RABGAP1L: variants seen among roughly 807,000 people sequenced by gnomAD.
RABGAP1L encodes RAB GTPase activating protein 1 like.
Under a neutral mutation model 137.7 loss-of-function variants are expected in RABGAP1L, and 63 were observed. The observed-to-expected ratio is 0.46, with a 90% confidence interval of 0.37 to 0.56. The LOEUF (loss-of-function observed/expected upper bound fraction) is 0.56, where lower values mean the gene tolerates loss of function less well. RABGAP1L is among the 20% of genes least tolerant of loss of function. The pLI is 0.00. For synonymous variants in RABGAP1L, 431 were observed against 433.7 expected (o/e 0.99, Z 0.08); for missense variants, 1,095 against 1,244.0 (o/e 0.88, Z 1.80).
In RABGAP1L at chr1:174,272,316, C is replaced by G; in HGVS notation, c.987-98C>G. 3 of 1,261,774 alleles carry G rather than the reference C, an allele frequency of 2.4e-6. No homozygotes were observed. The South Asian group carries it at 4.8e-5, about 20-fold the overall frequency. The allele number at this position is 1,261,774 out of a possible 1,614,324, so 78.2% of individuals were successfully genotyped here. The stretch of plus-strand genomic sequence containing the variant: ...AAAACTAAAGCTTATAAATACAGAG[C>G]TCAGATTGTATAGTTATTGTAAAAA... On this transcript the variant is annotated intron_variant, in intron 7 of 25. Transcript: ENST00000681986.
intron 13 of RABGAP1L, chr1:174,449,012 T>A: frequency 6.2e-7 from 1 of 1,613,746 alleles, no homozygotes; most frequent in Non-Finnish European, 8.5e-7. Flanking sequence ...TCTGTCCTTC[T>A]TAACAACCTG....
intron 13 of RABGAP1L, among the ~76,000 whole-genome samples, chr1:174,542,464 T>A (rs956346471): frequency 1.3e-5 from 2 of 152,216 alleles, no homozygotes; most frequent in African/African-American, 4.8e-5. Flanking sequence ...TTTTATTGCA[T>A]CTATTTGATT....
At chr1:174,534,775 C>CAAAAAAAAAAAAAAAAAAAAAAAAAAA (rs71117567) in intron 13 of RABGAP1L, among the ~76,000 whole-genome samples, 13 of 71,624 alleles carry the variant, frequency 1.8e-4, no homozygotes, top group African/African-American at 2.2e-4. Context: ...ACTCTGTCTC[C>CAAAAAAAAAAAAAAAAAAAAAAAAAAA]AAAAAAAAAA....
chr1:174,269,087 C>G (rs913803945), intron 7 of RABGAP1L, among the ~76,000 whole-genome samples: 3 of 152,050 alleles, frequency 2.0e-5, no homozygotes, highest in Non-Finnish European at 4.4e-5. Flanking sequence ...GGACTACATG[C>G]GCCCGCCACC....
intron 13 of RABGAP1L, among the ~76,000 whole-genome samples, chr1:174,608,065 C>T (rs548096638): frequency 6.6e-6 from 1 of 152,134 alleles, no homozygotes; most frequent in Non-Finnish European, 1.5e-5. Context: ...ATTTTATAAA[C>T]TCTCTTCCTA....
At chr1:174,227,367 A>ATT (rs761462482) in intron 3 of RABGAP1L, among the ~76,000 whole-genome samples, 1 of 142,770 alleles carries the variant, frequency 7.0e-6, no homozygotes, top group African/African-American at 2.6e-5. Flanking sequence ...TGCCCAGCTA[A>ATT]TTTTTTTTTT....
intron 13 of RABGAP1L, among the ~76,000 whole-genome samples, chr1:174,400,821 C>T (rs1648488424): frequency 6.6e-6 from 1 of 151,936 alleles, no homozygotes; most frequent in Non-Finnish European, 1.5e-5. Context: ...ATTGGCCTGC[C>T]ATGGTAGGAT....
chr1:174,679,350 A>T lies in RABGAP1L; in HGVS notation c.1825-4172A>T, dbSNP rs1049143620. ...ACTGTCTCTCAATTGCAATAGACGC[A>T]TGAAAGGCATTTTATAAATTCAGTA... On this transcript the variant is annotated intron_variant, in intron 14 of 25. Transcript: ENST00000681986. Among the ~76,000 whole-genome samples, 7 of 152,200 alleles carry T rather than the reference A, an allele frequency of 4.6e-5. No individual in the cohort carries two copies. The East Asian group carries it at 1.3e-3, about 29-fold the overall frequency.
At position 174,711,539 on chromosome 1, in the gene RABGAP1L, G is replaced by A. The variant is rs142705319; in HGVS notation, c.2169+9283G>A. 4.4e-4 allele frequency among the ~76,000 whole-genome samples: 67 copies of A among 152,252 alleles called. No individual in the cohort carries two copies. The Middle Eastern group carries it at 0.01, about 23-fold the overall frequency. On this transcript the variant is annotated intron_variant, in intron 17 of 25. Coordinates refer to ENST00000681986, the MANE Select transcript of RABGAP1L (RefSeq NM_001366446.1). ...CTGGGCAGTGAGGTGCTTCGCACCC[G>A]GGCCAGCAGCTGTGGAGGGTGCACC...
chr1:174,615,596 C>T (rs1168647806), intron 13 of RABGAP1L, among the ~76,000 whole-genome samples: 3 of 152,230 alleles, frequency 2.0e-5, no homozygotes, highest in Non-Finnish European at 4.4e-5. Flanking sequence ...AGAACCACTG[C>T]TGTCTTCAAA....
intron 14 of RABGAP1L, among the ~76,000 whole-genome samples, chr1:174,676,463 T>C (rs572426014): frequency 2.5e-4 from 38 of 152,330 alleles, no homozygotes; most frequent in African/African-American, 9.1e-4. Context: ...TTAAATAGTT[T>C]TTGTGACAAA....
intron 13 of RABGAP1L, among the ~76,000 whole-genome samples, chr1:174,481,580 G>A (rs908941389): frequency 6.6e-6 from 1 of 152,030 alleles, no homozygotes; most frequent in African/African-American, 2.4e-5. Flanking sequence ...AGCACTTTTA[G>A]GATGACTGTT....
intron 19 of RABGAP1L, among the ~76,000 whole-genome samples, chr1:174,915,451 GT>G (rs953421122): frequency 3.9e-5 from 6 of 151,982 alleles, no homozygotes; most frequent in Middle Eastern, 3.4e-3. Context: ...TCTGTTCAGA[GT>G]TTTTGCCCTT....
intron 11 of RABGAP1L, among the ~76,000 whole-genome samples, chr1:174,368,710 A>T (rs956736903): frequency 2.6e-5 from 4 of 152,040 alleles, no homozygotes; most frequent in African/African-American, 9.7e-5. Context: ...AATGTTGGAA[A>T]TTTTTTTGCT....
chr1:174,539,739 GC>G lies in RABGAP1L; in HGVS notation c.1711-97634del, dbSNP rs1379313036. ...CCAAGTCTGTGCTATTGTGAATAGT[GC>G]CACAATAAACATACGTATGCATGTG... On this transcript the variant is annotated intron_variant, in intron 13 of 25. Transcript: ENST00000681986. 3.3e-5 allele frequency among the ~76,000 whole-genome samples: 5 copies of G among 152,144 alleles called. No homozygotes were observed. In the East Asian group the frequency reaches 9.6e-4, roughly 29 times the overall value.
rs528691141 is a variant in RABGAP1L, at chr1:174,762,293, A to G, written c.2211+9939A>G. On this transcript the variant is annotated intron_variant, in intron 18 of 25. Coordinates refer to ENST00000681986, the MANE Select transcript of RABGAP1L (RefSeq NM_001366446.1). ...CTCAACTGCCCCTTCCCTCCCTCTC[A>G]TTTGCACTGTCTCAATCAAGCCATA... Among the ~76,000 whole-genome samples, 5 of 152,186 alleles carry G rather than the reference A, an allele frequency of 3.3e-5. No individual in the cohort carries two copies. In the East Asian group the frequency reaches 9.7e-4, roughly 29 times the overall value.
chr1:174,547,745 CATT>C, intron 13 of RABGAP1L: 1 of 1,078,556 alleles, frequency 9.3e-7, no homozygotes, highest in Non-Finnish European at 1.3e-6. Flanking sequence ...GATATGGAGT[CATT>C]GTATTTGTAT....
At chr1:174,309,579 T>G (rs1678623664) in intron 11 of RABGAP1L, among the ~76,000 whole-genome samples, 1 of 152,154 alleles carries the variant, frequency 6.6e-6, no homozygotes, top group Non-Finnish European at 1.5e-5. Flanking sequence ...TTGAATTGTG[T>G]CAAATGCTTC....
intron 12 of RABGAP1L, among the ~76,000 whole-genome samples, chr1:174,378,942 C>G (rs1186043530): frequency 7.7e-6 from 1 of 129,528 alleles, no homozygotes; most frequent in African/African-American, 3.3e-5. Context: ...AATCTTTAAT[C>G]CATCTTGAAT....
Sources: gnomAD v4.1 joint callset for allele counts (sites outside exome capture counted in the v4.1 genomes callset) on GRCh38, gnomAD v4.1.1 for gene constraint, MANE v1.5 for transcripts, NCBI Gene and HGNC (gene_info 2026-07-23, HGNC 2026-07-21) for gene names.